Variants in FFAR4 observed in about 807,000 individuals in gnomAD.
The protein encoded by FFAR4 is G-protein coupled receptor 120.
A neutral mutation model predicts 27.0 loss-of-function variants in FFAR4; 19 were observed. The observed-to-expected ratio is 0.70, with a 90% confidence interval of 0.49 to 1.03. The LOEUF (loss-of-function observed/expected upper bound fraction) is 1.03, where lower values mean the gene tolerates loss of function less well. Ranked by LOEUF, FFAR4 falls within the 50% of genes least tolerant of loss-of-function variation. The pLI, the probability that FFAR4 is intolerant of heterozygous loss-of-function variation, is 0.00. For synonymous variants in FFAR4, 254 were observed against 215.6 expected (o/e 1.18, Z -1.56); for missense variants, 476 against 479.0 (o/e 0.99, Z 0.06).
At chr10:93,571,284 A>G (rs1304492924) in intron 1 of FFAR4, among the ~76,000 whole-genome samples, 2 of 152,134 alleles carry the variant, frequency 1.3e-5, no homozygotes, top group Admixed American at 6.5e-5. Flanking sequence ...TGTGCTGCCC[A>G]TTCATTCTGC....
chr10:93,582,544 CAAAA>C lies in FFAR4; in HGVS notation c.697-4657_697-4654del, dbSNP rs56934747. 8.8e-3 allele frequency among the ~76,000 whole-genome samples: 870 copies of C among 99,238 alleles called. 7 individuals carry two copies. The highest frequency in any genetic ancestry group is 0.029 in the African/African-American group (815 of 28,312). The allele number at this position is 99,238 out of a possible 152,430, so 65.1% of individuals were successfully genotyped here. On this transcript the variant is annotated intron_variant, in intron 2 of 2. Coordinates refer to ENST00000371481, the MANE Select transcript of FFAR4 (RefSeq NM_001195755.2). ...GGGCAACAAGAGCGAAACTCCATCT[CAAAA>C]AAAAAAAAAAAAAAAAAATCCATCC... is the stretch of plus-strand genomic sequence containing the variant.
intron 2 of FFAR4, among the ~76,000 whole-genome samples, chr10:93,581,183 ATAAG>A (rs2058195313): frequency 6.6e-6 from 1 of 152,218 alleles, no homozygotes; most frequent in South Asian, 2.1e-4. Context: ...TATTTGTCGA[ATAAG>A]TGAGTCTATG....
Position 93,567,063 on chromosome 10 carries a change from T to G in FFAR4, c.343T>G (p.Phe115Val), listed in dbSNP as rs765669983. The change falls in exon 1 of 3, where the codon TTC becomes GTC. Residue 115 changes from phenylalanine (F) to valine (V), a missense_variant. Phe to Val is a conservative substitution (Grantham distance 50). Transcript: ENST00000371481. Reference sequence around the variant, plus strand: ...GGGCCCCGTTGCCTGCCACCTGCTCTTCTACGTGATGACCCTGAGCGGCAG... The same window carrying G: ...GGGCCCCGTTGCCTGCCACCTGCTCGTCTACGTGATGACCCTGAGCGGCAG... ...LLGPVACHLL[F>V]YVMTLSGSVT... The G allele has an allele frequency of 8.1e-6, 13 of 1,611,354 alleles. No homozygotes were observed. The Admixed American group carries it at 2.2e-4, about 27-fold the overall frequency.
At chr10:93,567,394 T>C (rs2058105414) in intron 1 of FFAR4, 107 bp downstream of exon 1, 1 of 950,662 alleles carries the variant, frequency 1.1e-6, no homozygotes, top group Admixed American at 2.6e-5. Flanking sequence ...TAGCCATTTA[T>C]TGCACTTAAT....
rs370706877 is a variant in FFAR4, at chr10:93,567,066, T to C, written c.346T>C (p.Tyr116His). The C allele has an allele frequency of 1.9e-6, 3 of 1,611,434 alleles. No homozygotes were observed. Among genetic ancestry groups the C allele is most frequent in the Admixed American group, 3.3e-5 (2 of 59,976 alleles). ...CCCCGTTGCCTGCCACCTGCTCTTCTACGTGATGACCCTGAGCGGCAGCGT... is the reference window on the plus strand; with the variant it reads ...CCCCGTTGCCTGCCACCTGCTCTTCCACGTGATGACCCTGAGCGGCAGCGT... ...LGPVACHLLF[Y>H]VMTLSGSVTI... The change falls in exon 1 of 3, where the codon TAC (tyrosine) becomes CAC (histidine). Residue 116 changes from tyrosine (Y) to histidine (H), a missense_variant. Coordinates refer to ENST00000371481, the MANE Select transcript of FFAR4 (RefSeq NM_001195755.2).
At chr10:93,576,040 G>T in intron 1 of FFAR4, 51 bp from the exon 2 acceptor site, 1 of 1,601,534 alleles carries the variant, frequency 6.2e-7, no homozygotes, top group Non-Finnish European at 8.6e-7. Context: ...TGAGCCAGAG[G>T]CCAATAAGAA....
intron 1 of FFAR4, among the ~76,000 whole-genome samples, chr10:93,569,688 C>T (rs1226074395): frequency 1.3e-5 from 2 of 151,626 alleles, no homozygotes; most frequent in African/African-American, 4.9e-5. Flanking sequence ...GCACTGGGGG[C>T]CAGGTGAGTT....
intron 2 of FFAR4, among the ~76,000 whole-genome samples, chr10:93,581,519 C>T (rs1341630972): frequency 4.6e-5 from 7 of 152,168 alleles, no homozygotes; most frequent in Non-Finnish European, 7.3e-5. Flanking sequence ...TTGGCAGCAG[C>T]GGTCTGCTGG....
At position 93,587,822 on chromosome 10, in the gene FFAR4, A is replaced by C; in HGVS notation, c.*213A>C. 6.0e-6 allele frequency: 3 copies of C among 497,360 alleles called. No individual in the cohort carries two copies. Among genetic ancestry groups the C allele is most frequent in the South Asian group, 2.3e-5 (1 of 43,202 alleles). 30.8% of individuals were successfully genotyped at this position (497,360 alleles called of 1,614,324 possible). On this transcript the variant is annotated 3_prime_UTR_variant, in exon 3 of 3. Transcript: ENST00000371481. ...ATTTGTTGGCCAGGTGCAGTGGTTC[A>C]TGCCTGTAATCCCAGCAGTTTGGGA...
intron 2 of FFAR4, among the ~76,000 whole-genome samples, chr10:93,586,006 C>G (rs2058224791): frequency 6.6e-6 from 1 of 152,198 alleles, no homozygotes; most frequent in Non-Finnish European, 1.5e-5. Context: ...GGGTGGGGTC[C>G]AGTGCTCCCT....
rs977821497 is a variant in FFAR4 at position 93,588,954 on chromosome 10, C to A, written c.*1345C>A. The A allele has an allele frequency of 6.6e-6, 1 of 152,178 alleles. No homozygotes were observed. Among genetic ancestry groups the A allele is most frequent in the Admixed American group, 6.5e-5 (1 of 15,288 alleles). The allele number at this position is 152,178 out of a possible 1,614,324, so 9.4% of individuals were successfully genotyped here. A position where few individuals can be genotyped will look rare whatever the true frequency, so the allele number is the denominator to read the frequency against. On this transcript the variant is annotated 3_prime_UTR_variant, in exon 3 of 3. Transcript: ENST00000371481. ...GGAATTTAGATCAGATGGGGAGGGG[C>A]CTAAGGAGACCTTTCTGAGGAGTGA...
Position 93,576,180 on chromosome 10 carries a change from A to G in FFAR4, c.657A>G (p.Pro219=). Reference sequence around the variant, plus strand: ...TTGTTACTTTGAACTTCTTGGTGCCAGGACTGGTCATTGTGATCAGTTACT... The same window carrying G: ...TTGTTACTTTGAACTTCTTGGTGCCGGGACTGGTCATTGTGATCAGTTACT... The part of the protein sequence containing the change: ...VSFVTLNFLV[P]GLVIVISYSK... The change falls in exon 2 of 3, where the codon CCA becomes CCG. Residue 219 remains proline, a synonymous_variant. Transcript: ENST00000371481. The G allele has an allele frequency of 1.2e-6, 2 of 1,614,108 alleles. No individual in the cohort carries two copies. Among genetic ancestry groups the G allele is most frequent in the Non-Finnish European group, 1.7e-6 (2 of 1,179,948 alleles).
At position 93,586,970 on chromosome 10, in the gene FFAR4, C is replaced by T. The variant is rs1315688616; in HGVS notation, c.697-250C>T. On this transcript the variant is annotated intron_variant, in intron 2 of 2. Transcript: ENST00000371481. ...CAGGGAAGATGTCCCTCTTGTAGAC[C>T]ACCCAATTCAGGCTTTTCACTTCCC... Among the ~76,000 whole-genome samples the T allele has an allele frequency of 4.6e-5, 7 of 152,250 alleles. No homozygotes were observed. The South Asian group carries it at 1.2e-3, about 27-fold the overall frequency.
chr10:93,586,777 G>A (rs973402302), intron 2 of FFAR4, among the ~76,000 whole-genome samples: 6 of 152,168 alleles, frequency 3.9e-5, no homozygotes, highest in African/African-American at 1.4e-4. Flanking sequence ...TTTCCAGAAA[G>A]CCATATGGGA....
chr10:93,567,104 G>A lies in FFAR4; in HGVS notation c.384G>A (p.Thr128=). ...TGAGCGGCAGCGTCACCATCCTCAC[G>A]CTGGCCGCGGTCAGCCTGGAGCGCA... ...MTLSGSVTIL[T]LAAVSLERMV... is the part of the protein sequence containing the mutation. Residue 128 remains threonine (T), a synonymous_variant, in exon 1 of 3, where the codon ACG becomes ACA. Transcript: ENST00000371481. The A allele has an allele frequency of 6.2e-7, 1 of 1,609,186 alleles. No homozygotes were observed.
chr10:93,579,334 C>A, intron 2 of FFAR4: 1 of 793,400 alleles, frequency 1.3e-6, no homozygotes, highest in Non-Finnish European at 2.1e-6. Context: ...TTCACCCTCC[C>A]TTGTGTCCAC....
At chr10:93,582,907 G>A (rs1456001186) in intron 2 of FFAR4, among the ~76,000 whole-genome samples, 1 of 152,140 alleles carries the variant, frequency 6.6e-6, no homozygotes, top group Admixed American at 6.6e-5. Flanking sequence ...GTGAGCAGGA[G>A]GAGGGAAAAC....
In FFAR4 at chr10:93,567,169, C is replaced by T. The variant is rs1387244674; in HGVS notation, c.449C>T (p.Pro150Leu). ...IVHLQRGVRG[P>L]GRRARAVLLA... ...CACCTGCAGCGCGGCGTGCGGGGTC[C>T]TGGGCGGCGGGCGCGGGCAGTGCTG... is the stretch of plus-strand genomic sequence containing the variant. The change falls in exon 1 of 3, where the codon CCT (proline) becomes CTT (leucine). Residue 150 changes from proline to leucine, a missense_variant. Coordinates refer to ENST00000371481, the MANE Select transcript of FFAR4 (RefSeq NM_001195755.2). The T allele has an allele frequency of 6.2e-7, 1 of 1,604,598 alleles. No individual in the cohort carries two copies. Among genetic ancestry groups the T allele is most frequent in the African/African-American group, 1.3e-5 (1 of 74,862 alleles).
chr10:93,572,670 C>T (rs1241294023), intron 1 of FFAR4, among the ~76,000 whole-genome samples: 1 of 152,146 alleles, frequency 6.6e-6, no homozygotes, highest in Non-Finnish European at 1.5e-5. Context: ...AGGTTTCTGG[C>T]AGCTTGGAGA....
Sources: allele counts gnomAD v4.1 joint callset (sites outside exome capture counted in the v4.1 genomes callset), GRCh38; gene constraint gnomAD v4.1.1; transcripts MANE v1.5; gene names NCBI Gene and HGNC (gene_info 2026-07-23, HGNC 2026-07-21).